Variants in TANC2 observed in about 807,000 individuals in gnomAD.
TANC2 encodes tetratricopeptide repeat, ankyrin repeat and coiled-coil containing 2.
A neutral mutation model predicts 210.5 loss-of-function variants in TANC2; 26 were observed. The observed-to-expected ratio is 0.12, with a 90% CI of 0.09 to 0.17. TANC2 has a LOEUF of 0.17. Ranked by LOEUF, TANC2 falls within the 10% of genes least tolerant of loss-of-function variation. TANC2 has a pLI of 1.00. For synonymous variants in TANC2, 931 were observed against 967.1 expected (o/e 0.96, Z 0.69); for missense variants, 2,129 against 2,608.9 (o/e 0.82, Z 4.01).
At chr17:63,272,056 G>T (rs1034350424) in intron 9 of TANC2, among the ~76,000 whole-genome samples, 1 of 152,088 alleles carries the variant, frequency 6.6e-6, no homozygotes, top group African/African-American at 2.4e-5. Context: ...GAATGGTATT[G>T]CCTGGGTTGT....
chr17:63,164,968 CAAAT>C (rs2040162213), intron 5 of TANC2, among the ~76,000 whole-genome samples: 1 of 152,080 alleles, frequency 6.6e-6, no homozygotes. Context: ...GTCAGGTTGA[CAAAT>C]AAAATTAACC....
At chr17:63,083,465 C>T (rs1225390734) in intron 3 of TANC2, among the ~76,000 whole-genome samples, 2 of 152,114 alleles carry the variant, frequency 1.3e-5, no homozygotes, top group Non-Finnish European at 2.9e-5. Context: ...AGATTTCCTC[C>T]AGTCTCTTGG....
At chr17:63,139,420 A>T (rs1409536179) in intron 4 of TANC2, among the ~76,000 whole-genome samples, 1 of 152,026 alleles carries the variant, frequency 6.6e-6, no homozygotes, top group East Asian at 1.9e-4. Context: ...GAGCTCAGGA[A>T]TTCCAGACCA....
intron 7 of TANC2, among the ~76,000 whole-genome samples, chr17:63,224,450 C>T (rs2042277451): frequency 6.6e-6 from 1 of 152,132 alleles, no homozygotes; most frequent in South Asian, 2.1e-4. Flanking sequence ...CGAGGTTTCA[C>T]CGTGTTGGCC....
At chr17:63,276,830 C>T (rs1180581114) in intron 9 of TANC2, among the ~76,000 whole-genome samples, 1 of 152,100 alleles carries the variant, frequency 6.6e-6, no homozygotes, top group African/African-American at 2.4e-5. Context: ...GTGCTTAGAG[C>T]TTTAAACATA....
At chr17:63,379,160 A>T (rs1305669952) in intron 14 of TANC2, among the ~76,000 whole-genome samples, 1 of 152,156 alleles carries the variant, frequency 6.6e-6, no homozygotes, top group Non-Finnish European at 1.5e-5. Context: ...AAAATCTTGT[A>T]ATGCCATCTG....
chr17:63,200,627 C>T (rs1474331185), intron 6 of TANC2, 144 bp from the exon 7 acceptor site: 18 of 673,594 alleles, frequency 2.7e-5, no homozygotes, highest in South Asian at 7.4e-5. Context: ...AGTCCTTATC[C>T]GAGAAAGCAA....
chr17:63,359,401 T>C (rs549020918), intron 14 of TANC2, among the ~76,000 whole-genome samples: 1 of 151,350 alleles, frequency 6.6e-6, no homozygotes, highest in South Asian at 2.1e-4. Flanking sequence ...TAGAGTGCAG[T>C]GATGCGATTT....
intron 14 of TANC2, among the ~76,000 whole-genome samples, chr17:63,371,325 G>A (rs1488667153): frequency 6.6e-6 from 1 of 152,100 alleles, no homozygotes; most frequent in Non-Finnish European, 1.5e-5. Flanking sequence ...AATGAGCCAG[G>A]CGTGGTGGCG....
intron 2 of TANC2, among the ~76,000 whole-genome samples, chr17:63,013,433 A>G (rs8079496): frequency 0.021 from 3,219 of 152,224 alleles, 104 homozygotes; most frequent in African/African-American, 0.072. Flanking sequence ...GGTATGCCTA[A>G]GAGTATTTTT....
At chr17:63,071,138 GC>G (rs1470185984) in intron 2 of TANC2, among the ~76,000 whole-genome samples, 1 of 152,132 alleles carries the variant, frequency 6.6e-6, no homozygotes, top group African/African-American at 2.4e-5. Context: ...TGTTAGAGCA[GC>G]TTTTTTCTTG....
At chr17:63,020,358 C>T (rs1345100412) in intron 2 of TANC2, among the ~76,000 whole-genome samples, 1 of 151,344 alleles carries the variant, frequency 6.6e-6, no homozygotes, top group Non-Finnish European at 1.5e-5. Flanking sequence ...GTCTGGAGTT[C>T]AGTGGTGTCA....
chr17:63,318,825 A>T, intron 10 of TANC2, 132 bp from the exon 11 acceptor site: 3 of 1,045,486 alleles, frequency 2.9e-6, no homozygotes, highest in Admixed American at 2.7e-5. Context: ...TTGGGTGGAC[A>T]TGTGTTTTTA....
At chr17:63,131,229 T>A (rs2038906104) in intron 4 of TANC2, among the ~76,000 whole-genome samples, 1 of 152,240 alleles carries the variant, frequency 6.6e-6, no homozygotes, top group South Asian at 2.1e-4. Flanking sequence ...CACAGTTTCA[T>A]AAAGTAAAAT....
intron 5 of TANC2, among the ~76,000 whole-genome samples, chr17:63,165,298 C>G (rs898219484): frequency 1.1e-4 from 17 of 152,002 alleles, no homozygotes; most frequent in African/African-American, 4.1e-4. Flanking sequence ...AAGAAATGCA[C>G]TTGACAAAGT....
intron 9 of TANC2, among the ~76,000 whole-genome samples, chr17:63,286,421 TTAAAAC>T (rs1313606544): frequency 1.3e-5 from 2 of 152,200 alleles, no homozygotes; most frequent in African/African-American, 2.4e-5. Flanking sequence ...TTTCCATAAT[TTAAAAC>T]TACAGATCCA....
At chr17:63,111,461 C>G (rs2038040769) in intron 4 of TANC2, among the ~76,000 whole-genome samples, 1 of 152,148 alleles carries the variant, frequency 6.6e-6, no homozygotes, top group Admixed American at 6.5e-5. Context: ...TTTTTTAATT[C>G]TAAAAACATC....
chr17:63,306,269 G>C (rs757932859), intron 9 of TANC2, among the ~76,000 whole-genome samples: 11 of 152,162 alleles, frequency 7.2e-5, no homozygotes, highest in Non-Finnish European at 5.9e-5. Context: ...GGATTGCTTG[G>C]TTAAGTTTAC....
At chr17:63,205,180 A>C (rs1424749688) in intron 7 of TANC2, among the ~76,000 whole-genome samples, 1 of 152,122 alleles carries the variant, frequency 6.6e-6, no homozygotes, top group Non-Finnish European at 1.5e-5. Context: ...ACCATGTGGC[A>C]TGGACAGTCT....
Sources: allele counts gnomAD v4.1 joint callset (sites outside exome capture counted in the v4.1 genomes callset), GRCh38; gene constraint gnomAD v4.1.1; transcripts MANE v1.5; gene names NCBI Gene and HGNC (gene_info 2026-07-23, HGNC 2026-07-21).